PRIM2: variants seen among roughly 807,000 people sequenced by gnomAD.
PRIM2 encodes the protein DNA primase subunit 2.
PRIM2 carries 39 observed loss-of-function variants against 67.3 expected under a neutral mutation model. The ratio of observed to expected loss-of-function variants is 0.58; its 90% CI spans 0.45 to 0.76. PRIM2 has a LOEUF of 0.76. PRIM2 is among the 30% of genes least tolerant of loss of function. The probability of loss-of-function intolerance (pLI) is 0.00; values close to 1 mark genes in which losing one functional copy is unlikely to be tolerated. For missense variants in PRIM2, 398 were observed against 598.7 expected, an observed-to-expected ratio of 0.66 and a Z score of 3.50; for synonymous variants, 143 against 198.7, an observed-to-expected ratio of 0.72 and a Z score of 2.36.
At chr6:57,274,943 A>ATTTTTTTTTTTTT in the PRIM2 span, among the ~76,000 whole-genome samples, 3 of 137,388 alleles carry the variant, frequency 2.2e-5, no homozygotes, top group African/African-American at 2.8e-5. Context: ...CACCTGGCTA[A>ATTTTTTTTTTTTT]TTTTTTTTTT....
intron 7 of PRIM2, among the ~76,000 whole-genome samples, chr6:57,472,746 C>T (rs1474440886): frequency 1.3e-5 from 2 of 152,010 alleles, no homozygotes; most frequent in Non-Finnish European, 2.9e-5. Context: ...TGAAAGTTGG[C>T]CTTACTGGTC....
At chr6:57,370,037 A>G (rs1769491961) in intron 5 of PRIM2, among the ~76,000 whole-genome samples, 1 of 152,228 alleles carries the variant, frequency 6.6e-6, no homozygotes, top group Admixed American at 6.5e-5. Context: ...TCTTCATTTT[A>G]TCCCTGAAGA....
chr6:57,349,005 A>G (rs979146256), intron 5 of PRIM2, among the ~76,000 whole-genome samples: 1 of 152,040 alleles, frequency 6.6e-6, no homozygotes, highest in African/African-American at 2.4e-5. Context: ...TCGGCCTTCC[A>G]AAGTGCTGGG....
chr6:57,304,386 G>T, the PRIM2 span, among the ~76,000 whole-genome samples: 1 of 152,124 alleles, frequency 6.6e-6, no homozygotes, highest in Admixed American at 6.5e-5. Flanking sequence ...AATATAATTG[G>T]AAAGATCTGG....
intron 7 of PRIM2, among the ~76,000 whole-genome samples, chr6:57,506,422 G>A (rs1774252464): frequency 1.3e-5 from 2 of 151,946 alleles, no homozygotes; most frequent in Admixed American, 1.3e-4. Flanking sequence ...ATTAATGTTT[G>A]AAAAAAATTA....
At chr6:57,418,178 T>C (rs73752125) in intron 7 of PRIM2, among the ~76,000 whole-genome samples, 29 of 151,942 alleles carry the variant, frequency 1.9e-4, no homozygotes, top group Non-Finnish European at 2.8e-4. Context: ...AATGCTATGA[T>C]AGTAAGAGTA....
the PRIM2 span, among the ~76,000 whole-genome samples, chr6:57,303,095 C>T: frequency 1.3e-5 from 2 of 152,104 alleles, no homozygotes; most frequent in African/African-American, 2.4e-5. Context: ...GCTAATATGT[C>T]CACGTAAAAG....
chr6:57,468,429 G>A (rs1183493011), intron 7 of PRIM2, among the ~76,000 whole-genome samples: 8 of 152,104 alleles, frequency 5.3e-5, no homozygotes, highest in Admixed American at 6.6e-5. Context: ...GATGGATTAC[G>A]TTTATTGATT....
rs1554347314 is a variant in PRIM2, at chr6:57,507,460, A to G, written c.761+6A>G. ...CCTCTGCTCAATCACCTCAGGTAAT[A>G]TAAGGGCACAGCCTTGTTATGCTTA... On this transcript the variant is annotated splice_donor_region_variant and intron_variant, in intron 8 of 13. Coordinates refer to ENST00000615550, the MANE Select transcript of PRIM2 (RefSeq NM_000947.5). The G allele has an allele frequency of 1.9e-5, 28 of 1,483,306 alleles. No homozygotes were observed. The Admixed American group carries it at 5.5e-4, about 29-fold the overall frequency. 91.9% of individuals were successfully genotyped at this position (1,483,306 alleles called of 1,614,324 possible).
At chr6:57,394,320 G>A (rs9396291) in intron 7 of PRIM2, among the ~76,000 whole-genome samples, 2 of 152,216 alleles carry the variant, frequency 1.3e-5, no homozygotes, top group African/African-American at 2.4e-5. Context: ...ATTTGTTTGT[G>A]TTATCTATGA....
chr6:57,244,169 C>G, the PRIM2 span, among the ~76,000 whole-genome samples: 7 of 152,096 alleles, frequency 4.6e-5, no homozygotes, highest in Non-Finnish European at 5.9e-5. Flanking sequence ...CCATATTGAC[C>G]GATCAGAACT....
the PRIM2 span, among the ~76,000 whole-genome samples, chr6:57,243,937 A>G: frequency 6.6e-6 from 1 of 152,244 alleles, no homozygotes; most frequent in Admixed American, 6.5e-5. Context: ...CTGTTAAAGT[A>G]TACCCCTGGC....
At chr6:57,316,198 G>A (rs1299751658), upstream of PRIM2, among the ~76,000 whole-genome samples, 3 of 152,178 alleles carry the variant, frequency 2.0e-5, no homozygotes, top group African/African-American at 7.2e-5. Context: ...AGGCCGAGGT[G>A]GGCGGATCAC....
At chr6:57,287,948 G>A in the PRIM2 span, among the ~76,000 whole-genome samples, 1 of 152,016 alleles carries the variant, frequency 6.6e-6, no homozygotes, top group Non-Finnish European at 1.5e-5. Context: ...GCCCACGGAG[G>A]GTGAGCTGAA....
At chr6:57,527,299 G>A (rs1163476319) in intron 8 of PRIM2, among the ~76,000 whole-genome samples, 1,967 of 152,208 alleles carry the variant, frequency 0.013, 39 homozygotes, top group African/African-American at 0.045. Flanking sequence ...TTATTGTTTA[G>A]GCTAAATAGT....
the PRIM2 span, among the ~76,000 whole-genome samples, chr6:57,236,803 T>A: frequency 3.9e-5 from 6 of 152,186 alleles, no homozygotes; most frequent in Admixed American, 1.3e-4. Context: ...ATTTTCTTAA[T>A]CCAGTCTATC....
chr6:57,335,173 C>A (rs1215615804), intron 5 of PRIM2, among the ~76,000 whole-genome samples: 1 of 152,208 alleles, frequency 6.6e-6, no homozygotes, highest in Non-Finnish European at 1.5e-5. Context: ...AAACGGCGCA[C>A]CAGGAGATTA....
chr6:57,268,307 C>G, the PRIM2 span, among the ~76,000 whole-genome samples: 3 of 152,058 alleles, frequency 2.0e-5, no homozygotes, highest in African/African-American at 7.2e-5. Flanking sequence ...TTTGTGACCT[C>G]CTGTAGGATA....
chr6:57,643,489 A>G (rs1182166081), intron 13 of PRIM2, among the ~76,000 whole-genome samples: 2 of 152,194 alleles, frequency 1.3e-5, no homozygotes, highest in African/African-American at 4.8e-5. Flanking sequence ...CATGGAGGAG[A>G]TTGAATTTAA....
Sources: gnomAD v4.1 joint callset for allele counts (sites outside exome capture counted in the v4.1 genomes callset) on GRCh38, gnomAD v4.1.1 for gene constraint, MANE v1.5 for transcripts, NCBI Gene and HGNC (gene_info 2026-07-23, HGNC 2026-07-21) for gene names.